The following ARID5B variants were observed in gnomAD, a reference collection of about 807,000 sequenced individuals.
ARID5B encodes the protein AT-rich interactive domain-containing protein 5B.
ARID5B carries 13 observed loss-of-function variants against 97.2 expected under a neutral mutation model. That is an observed-to-expected ratio of 0.13 (90% confidence interval 0.09 to 0.21). The LOEUF (loss-of-function observed/expected upper bound fraction) is 0.21. Among genes scored for constraint, ARID5B ranks in the 10% least tolerant of loss-of-function variants. ARID5B has a pLI of 1.00. For missense variants in ARID5B, 1,210 were observed against 1,465.3 expected (o/e 0.83, Z 2.84); for synonymous variants, 556 against 570.3 (o/e 0.97, Z 0.36).
At chr10:62,036,238 T>G (rs1839562617) in intron 4 of ARID5B, among the ~76,000 whole-genome samples, 1 of 152,164 alleles carries the variant, frequency 6.6e-6, no homozygotes, top group Non-Finnish European at 1.5e-5. Context: ...AGCTGTGTAA[T>G]GTGCTTGGGA....
intron 4 of ARID5B, among the ~76,000 whole-genome samples, chr10:62,006,520 CT>C (rs769989941): frequency 7.2e-5 from 11 of 152,144 alleles, no homozygotes; most frequent in Non-Finnish European, 1.3e-4. Flanking sequence ...GTTGCATGGG[CT>C]ACCAAAGTGA....
chr10:62,091,529 C>T lies in ARID5B; in HGVS notation c.2066C>T (p.Pro689Leu). ...AGGGGCAACCCAGGCATCATGTCCC[C>T]ACTGGCCAAGAAAAAGCTTTTGTCC... ...YSRGNPGIMSPLAKKKLLSQV... is the reference protein window; with the variant it reads ...YSRGNPGIMSLLAKKKLLSQV... Residue 689 changes from proline to leucine, a missense_variant, in exon 10 of 10, where the codon CCA (proline) becomes CTA (leucine). Pro to Leu is a moderately conservative substitution (Grantham distance 98). This residue lies in a region of ARID5B where 800 missense variants were observed against 839.1 expected (regional missense o/e 0.95). Coordinates refer to ENST00000279873, the MANE Select transcript of ARID5B (RefSeq NM_032199.3). 1 of 1,613,710 alleles carries T rather than the reference C, an allele frequency of 6.2e-7. No homozygotes were observed. Among genetic ancestry groups the T allele is most frequent in the Non-Finnish European group, 8.5e-7 (1 of 1,179,864 alleles).
chr10:62,008,992 C>CT (rs2132877056), intron 4 of ARID5B, among the ~76,000 whole-genome samples: 1 of 152,278 alleles, frequency 6.6e-6, no homozygotes, highest in South Asian at 2.1e-4. Flanking sequence ...GCTTCTGTCA[C>CT]TTTTTTATTT....
chr10:61,980,395 C>T (rs78026101), intron 3 of ARID5B, among the ~76,000 whole-genome samples: 2,419 of 152,222 alleles, frequency 0.016, 64 homozygotes, highest in African/African-American at 0.055. Context: ...CATAAGGCAT[C>T]GCCTTGATTT....
chr10:62,034,399 G>GTCAGGCTTTA (rs1839535333), intron 4 of ARID5B, among the ~76,000 whole-genome samples: 2 of 152,252 alleles, frequency 1.3e-5, no homozygotes, highest in South Asian at 2.1e-4. Flanking sequence ...AGGCTTTATG[G>GTCAGGCTTTA]TGCCAGGCCT....
intron 4 of ARID5B, among the ~76,000 whole-genome samples, chr10:62,043,749 A>G (rs1432750012): frequency 6.6e-6 from 1 of 152,252 alleles, no homozygotes; most frequent in African/African-American, 2.4e-5. Flanking sequence ...TCACATGCCT[A>G]AGAAATTACT....
intron 9 of ARID5B, among the ~76,000 whole-genome samples, chr10:62,086,277 G>T (rs1308771679): frequency 1.3e-5 from 2 of 152,168 alleles, no homozygotes; most frequent in African/African-American, 4.8e-5. Context: ...GTCTATCTGA[G>T]GTGCTGGTGC....
intron 2 of ARID5B, among the ~76,000 whole-genome samples, chr10:61,925,234 A>G (rs1274474982): frequency 6.6e-6 from 1 of 152,092 alleles, no homozygotes; most frequent in Non-Finnish European, 1.5e-5. Flanking sequence ...CAAAAAAATC[A>G]GATGTTAAAG....
At chr10:61,932,966 C>T (rs1844237130) in intron 2 of ARID5B, among the ~76,000 whole-genome samples, 1 of 152,090 alleles carries the variant, frequency 6.6e-6, no homozygotes, top group East Asian at 1.9e-4. Flanking sequence ...GCCTGTAGTC[C>T]CACCTATTCG....
At chr10:61,905,951 G>A (rs1309197194) in intron 2 of ARID5B, among the ~76,000 whole-genome samples, 3 of 152,036 alleles carry the variant, frequency 2.0e-5, no homozygotes, top group Non-Finnish European at 2.9e-5. Flanking sequence ...TCCAGTGTTC[G>A]CAACTGGTGT....
At chr10:62,005,877 G>T (rs746861673) in intron 4 of ARID5B, among the ~76,000 whole-genome samples, 1 of 152,198 alleles carries the variant, frequency 6.6e-6, no homozygotes, top group Non-Finnish European at 1.5e-5. Context: ...CCTTGCCGAA[G>T]TAGGTTTCAT....
intron 4 of ARID5B, among the ~76,000 whole-genome samples, chr10:62,005,226 C>T: frequency 6.6e-6 from 1 of 152,186 alleles, no homozygotes; most frequent in East Asian, 1.9e-4. Context: ...GCTAAGCTTA[C>T]AGGCAAATAG....
intron 3 of ARID5B, among the ~76,000 whole-genome samples, chr10:61,962,798 TGTTA>T (rs140387086): frequency 3.7e-4 from 56 of 152,296 alleles, no homozygotes; most frequent in African/African-American, 1.3e-3. Context: ...CGACTAACAG[TGTTA>T]GTTATCCGTT....
Position 62,051,008 on chromosome 10 carries a change from C to T in ARID5B, c.846+8C>T. 2 of 1,598,608 alleles carry T rather than the reference C, an allele frequency of 1.3e-6. No homozygotes were observed. The highest frequency in any genetic ancestry group is 1.7e-6 in the Non-Finnish European group (2 of 1,165,888). The stretch of plus-strand genomic sequence containing the variant: ...GGCAAAGCCGTTGCCAAGGTACGGT[C>T]ATTCACTCCACGGTATTCATTTCGT... On this transcript the variant is annotated splice_region_variant and intron_variant, in intron 5 of 9. Transcript: ENST00000279873.
intron 2 of ARID5B, among the ~76,000 whole-genome samples, chr10:61,928,165 G>T (rs1294872212): frequency 6.6e-6 from 1 of 152,146 alleles, no homozygotes; most frequent in East Asian, 1.9e-4. Context: ...CCCCTCTGCG[G>T]CCCTTTAGCC....
chr10:62,092,848 G>A lies in ARID5B; in HGVS notation c.3385G>A (p.Gly1129Arg). 1.9e-6 allele frequency: 3 copies of A among 1,614,208 alleles called. No individual in the cohort carries two copies. The highest frequency in any genetic ancestry group is 2.5e-6 in the Non-Finnish European group (3 of 1,180,028). The change falls in exon 10 of 10, where the codon GGA (glycine) becomes AGA (arginine). Residue 1129 changes from glycine (G) to arginine (R), a missense_variant. Gly to Arg is a moderately radical substitution (Grantham distance 125). Coordinates refer to ENST00000279873, the MANE Select transcript of ARID5B (RefSeq NM_032199.3). ...TTTCCACTCGCTTGTGATGCAAAGA[G>A]GAATTTTTACATCACCGACAAATTC... ...LAFHSLVMQR[G>R]IFTSPTNSQQ...
At chr10:61,983,550 C>T (rs978331397) in intron 3 of ARID5B, among the ~76,000 whole-genome samples, 5 of 152,106 alleles carry the variant, frequency 3.3e-5, no homozygotes, top group African/African-American at 1.2e-4. Context: ...TCAGTCTAGG[C>T]CTCCTGAATG....
chr10:62,058,879 T>C (rs1264337023), intron 6 of ARID5B, among the ~76,000 whole-genome samples: 1 of 152,228 alleles, frequency 6.6e-6, no homozygotes, highest in Admixed American at 6.5e-5. Flanking sequence ...GTTTAATCAA[T>C]GGCGTCTAAG....
At chr10:62,052,838 G>T (rs1439019230) in intron 5 of ARID5B, among the ~76,000 whole-genome samples, 2 of 152,184 alleles carry the variant, frequency 1.3e-5, no homozygotes, top group African/African-American at 4.8e-5. Context: ...TTCTTCCACC[G>T]TTGGTGTTCA....
Sources: allele counts gnomAD v4.1 joint callset (sites outside exome capture counted in the v4.1 genomes callset), GRCh38; gene constraint gnomAD v4.1.1; regional missense constraint gnomAD v4.1.1; transcripts MANE v1.5; gene names NCBI Gene and HGNC (gene_info 2026-07-23, HGNC 2026-07-21).